The following ZNF536 variants were observed in gnomAD, a reference collection of about 807,000 sequenced individuals.
ZNF536 encodes the protein zinc finger protein 536.
ZNF536 carries 13 observed loss-of-function variants against 84.5 expected under a neutral mutation model. The observed-to-expected ratio is 0.15, with a 90% CI of 0.10 to 0.24. The LOEUF (loss-of-function observed/expected upper bound fraction) is 0.24. Among genes scored for constraint, ZNF536 ranks in the 10% least tolerant of loss-of-function variants. The pLI is 1.00. For synonymous variants in ZNF536, 811 were observed against 742.5 expected, an observed-to-expected ratio of 1.09 and a Z score of -1.50; for missense variants, 1,536 against 1,747.5, an observed-to-expected ratio of 0.88 and a Z score of 2.16.
In ZNF536 at chr19:30,307,641, C is replaced by T. The variant is rs2046380486; in HGVS notation, c.-120+23500C>T. Among the ~76,000 whole-genome samples, 2 of 152,152 alleles carry T rather than the reference C, an allele frequency of 1.3e-5. 1 individual carries two copies. Among genetic ancestry groups the T allele is most frequent in the Non-Finnish European group, 2.9e-5 (2 of 68,018 alleles). ...CGTCCCTCCTGCTTCATAACATTCT[C>T]AGTGGGCTGTGATTGCTACCGTTTT... is the stretch of plus-strand genomic sequence containing the variant. On this transcript the variant is annotated intron_variant, in intron 2 of 5. Coordinates refer to the ZNF536 transcript ENST00000585628.
At chr19:30,348,229 A>T (rs2047811567) in intron 2 of ZNF536, among the ~76,000 whole-genome samples, 1 of 152,252 alleles carries the variant, frequency 6.6e-6, no homozygotes, top group Non-Finnish European at 1.5e-5. Flanking sequence ...TTCAACAAAT[A>T]AAACACGAAG....
intron 1 of ZNF536, among the ~76,000 whole-genome samples, chr19:30,256,835 A>G (rs2024942004): frequency 6.6e-6 from 1 of 152,210 alleles, no homozygotes; most frequent in Admixed American, 6.5e-5. Flanking sequence ...ATATTCATTT[A>G]TCAGTATTGG....
At chr19:30,526,114 A>C (rs1049794554) in intron 2 of ZNF536, among the ~76,000 whole-genome samples, 2 of 152,164 alleles carry the variant, frequency 1.3e-5, no homozygotes, top group African/African-American at 4.8e-5. Flanking sequence ...GCTCCAGCCC[A>C]CAGTCCCTGT....
intron 1 of ZNF536, among the ~76,000 whole-genome samples, chr19:30,566,103 G>A (rs538846103): frequency 6.6e-4 from 100 of 152,344 alleles, no homozygotes; most frequent in Admixed American, 1.1e-3. Context: ...GGGCAACTAT[G>A]TAAAATCAGT....
At chr19:30,242,999 C>T (rs2024041582) in intron 1 of ZNF536, among the ~76,000 whole-genome samples, 3 of 151,906 alleles carry the variant, frequency 2.0e-5, no homozygotes, top group South Asian at 2.1e-4. Flanking sequence ...TTCACATCAT[C>T]GTAACTTAGA....
At chr19:30,501,253 C>T (rs2054939027) in intron 2 of ZNF536, among the ~76,000 whole-genome samples, 1 of 152,178 alleles carries the variant, frequency 6.6e-6, no homozygotes, top group African/African-American at 2.4e-5. Context: ...GAGAACATCC[C>T]TCAGTTTCAA....
intron 2 of ZNF536, among the ~76,000 whole-genome samples, chr19:30,481,119 T>C (rs2054069247): frequency 6.6e-6 from 1 of 152,144 alleles, no homozygotes; most frequent in Non-Finnish European, 1.5e-5. Context: ...AAAGATAAGA[T>C]CATTTCAAGT....
chr19:30,463,585 C>T (rs986682571), intron 2 of ZNF536, among the ~76,000 whole-genome samples: 4 of 152,246 alleles, frequency 2.6e-5, no homozygotes, highest in Non-Finnish European at 4.4e-5. Flanking sequence ...CTTCCCTGCA[C>T]GGGGCATAGA....
chr19:30,567,940 C>A lies in ZNF536; in HGVS notation c.169+18426C>A, dbSNP rs182482614. ...AGGCTGTCACTCCCCGATAGCCAGA[C>A]CTTTTCTGTTAAAACTGTTTAAATT... On this transcript the variant is annotated intron_variant, in intron 1 of 1. Transcript: ENST00000592773. Among the ~76,000 whole-genome samples, 4 of 152,248 alleles carry A rather than the reference C, an allele frequency of 2.6e-5. No individual in the cohort carries two copies. In the East Asian group the frequency reaches 5.8e-4, roughly 22 times the overall value.
At chr19:30,625,925 TATAGA>T (rs1306864351) in intron 1 of ZNF536, among the ~76,000 whole-genome samples, 14 of 152,222 alleles carry the variant, frequency 9.2e-5, no homozygotes, top group Non-Finnish European at 1.9e-4. Flanking sequence ...GTAGCTGCCC[TATAGA>T]ATTGAAACGG....
intron 1 of ZNF536, among the ~76,000 whole-genome samples, chr19:30,623,955 A>G (rs1172467842): frequency 6.6e-6 from 1 of 152,188 alleles, no homozygotes; most frequent in Non-Finnish European, 1.5e-5. Flanking sequence ...TTCATGGGTT[A>G]GAGAAGTGGT....
intron 2 of ZNF536, among the ~76,000 whole-genome samples, chr19:30,509,133 C>A (rs2055301604): frequency 6.6e-6 from 1 of 151,066 alleles, no homozygotes; most frequent in Non-Finnish European, 1.5e-5. Context: ...CCATGCCTGG[C>A]CTCAACTGTG....
At chr19:30,408,233 C>T (rs1173357320) in intron 1 of ZNF536, among the ~76,000 whole-genome samples, 3 of 152,136 alleles carry the variant, frequency 2.0e-5, no homozygotes, top group Non-Finnish European at 4.4e-5. Context: ...CATTATAGAC[C>T]ATGGGGAGAA....
At chr19:30,572,681 G>A (rs1419280869) in intron 1 of ZNF536, among the ~76,000 whole-genome samples, 1 of 152,120 alleles carries the variant, frequency 6.6e-6, no homozygotes, top group Non-Finnish European at 1.5e-5. Flanking sequence ...TACCTTCTAT[G>A]GGGACACTGA....
downstream of ZNF536, among the ~76,000 whole-genome samples, chr19:30,559,653 G>T (rs560009838): frequency 5.5e-4 from 84 of 152,318 alleles, no homozygotes; most frequent in African/African-American, 1.9e-3. Flanking sequence ...GCCCAGAGGG[G>T]TATAGATGGC....
chr19:30,445,476 G>T lies in ZNF536; in HGVS notation c.1914G>T (p.Arg638=), dbSNP rs925189920. The T allele has an allele frequency of 2.5e-6, 4 of 1,614,040 alleles. No homozygotes were observed. Among genetic ancestry groups the T allele is most frequent in the African/African-American group, 2.7e-5 (2 of 74,938 alleles). ...CCACCGAGTGCCCCGACTGCGGCCG[G>T]GTGTTCCGCACTTACCACCAGGTGG... is the stretch of plus-strand genomic sequence containing the variant. ...EKPTECPDCG[R]VFRTYHQVVV... is the part of the protein sequence containing the mutation. The change falls in exon 2 of 5, where the codon CGG becomes CGT. Residue 638 remains arginine, a synonymous_variant. Coordinates refer to ENST00000355537, the MANE Select transcript of ZNF536 (RefSeq NM_014717.3). This position sits in a 1 kb window ranked among gnomAD's most constrained non-coding sequence, Gnocchi z 4.5.
chr19:30,363,947 A>C (rs182570767), intron 3 of ZNF536, among the ~76,000 whole-genome samples: 1 of 152,316 alleles, frequency 6.6e-6, no homozygotes, highest in East Asian at 1.9e-4. Flanking sequence ...TGAAGTGGTC[A>C]TTCCCAGCAG....
intron 1 of ZNF536, among the ~76,000 whole-genome samples, chr19:30,404,292 A>G (rs1335469673): frequency 1.3e-5 from 2 of 152,060 alleles, no homozygotes; most frequent in Non-Finnish European, 1.5e-5. Flanking sequence ...GCCTTGGTGT[A>G]GATTCTGTAT....
chr19:30,295,965 C>T (rs2045983240), intron 2 of ZNF536, among the ~76,000 whole-genome samples: 1 of 152,154 alleles, frequency 6.6e-6, no homozygotes, highest in Non-Finnish European at 1.5e-5. Flanking sequence ...CACACCTGTC[C>T]AGAGGCCTCC....
Sources: allele counts gnomAD v4.1 joint callset (sites outside exome capture counted in the v4.1 genomes callset), GRCh38; gene constraint gnomAD v4.1.1; non-coding constraint Gnocchi (gnomAD v3.1); transcripts MANE v1.5; gene names NCBI Gene and HGNC (gene_info 2026-07-23, HGNC 2026-07-21).